ATF6: variants seen among roughly 807,000 people sequenced by gnomAD.
ATF6 encodes the protein cyclic AMP-dependent transcription factor ATF-6 alpha.
In ATF6, 53 loss-of-function variants were observed where a neutral mutation model predicts 83.6. The ratio of observed to expected loss-of-function variants is 0.63; its 90% CI spans 0.51 to 0.80. ATF6 has a LOEUF of 0.80. ATF6 is among the 30% of genes least tolerant of loss of function. The pLI is 0.00. For synonymous variants in ATF6, 288 were observed against 285.8 expected, an observed-to-expected ratio of 1.01 and a Z score of -0.08; for missense variants, 744 against 797.9, an observed-to-expected ratio of 0.93 and a Z score of 0.81.
At chr1:161,905,545 G>A (rs1687863148) in intron 14 of ATF6, among the ~76,000 whole-genome samples, 1 of 152,138 alleles carries the variant, frequency 6.6e-6, no homozygotes, top group Non-Finnish European at 1.5e-5. Context: ...CCTGAGTAAA[G>A]TGAATTTTCT....
chr1:161,912,307 G>A lies in ATF6; in HGVS notation c.1731G>A (p.Leu577=). Reference sequence around the variant, plus strand: ...TTTGTTAATTTTAGGATCACCTGCTGTTACCAGCTACCACCCATAACAAGA... The same window carrying A: ...TTTGTTAATTTTAGGATCACCTGCTATTACCAGCTACCACCCATAACAAGA... The part of the protein sequence containing the change: ...YVVSFRRDHL[L]LPATTHNKTT... Residue 577 remains leucine (L), a synonymous_variant, in exon 15 of 16, where the codon CTG becomes CTA. Coordinates refer to ENST00000367942, the MANE Select transcript of ATF6 (RefSeq NM_007348.4). The A allele has an allele frequency of 1.2e-6, 2 of 1,605,112 alleles. No individual in the cohort carries two copies. Among genetic ancestry groups the A allele is most frequent in the Non-Finnish European group, 8.5e-7 (1 of 1,176,112 alleles).
At chr1:161,769,932 C>T (rs1046539738) in intron 1 of ATF6, among the ~76,000 whole-genome samples, 1 of 152,144 alleles carries the variant, frequency 6.6e-6, no homozygotes, top group Non-Finnish European at 1.5e-5. Context: ...TCACCTCCTG[C>T]TGTGTGGCCT....
chr1:161,768,361 A>G (rs1056712670), intron 1 of ATF6, among the ~76,000 whole-genome samples: 21 of 152,080 alleles, frequency 1.4e-4, no homozygotes, highest in Admixed American at 5.9e-4. Context: ...GCCCATTTCC[A>G]TTGTTTTCCA....
At chr1:161,831,491 C>T (rs1686058399) in intron 9 of ATF6, among the ~76,000 whole-genome samples, 2 of 152,250 alleles carry the variant, frequency 1.3e-5, no homozygotes, top group Admixed American at 1.3e-4. Context: ...AAGACACATG[C>T]ACACATATGT....
chr1:161,909,717 G>A (rs1309051967), intron 14 of ATF6, among the ~76,000 whole-genome samples: 1 of 152,144 alleles, frequency 6.6e-6, no homozygotes, highest in Non-Finnish European at 1.5e-5. Flanking sequence ...AGCACTTTGG[G>A]AGGCCGAGGC....
intron 7 of ATF6, among the ~76,000 whole-genome samples, 179 bp downstream of exon 7, chr1:161,802,451 C>T (rs1391732298): frequency 2.6e-5 from 4 of 152,048 alleles, no homozygotes; most frequent in African/African-American, 7.2e-5. Flanking sequence ...AGGCTTACTA[C>T]GTTAGAATCT....
intron 15 of ATF6, among the ~76,000 whole-genome samples, chr1:161,954,863 G>A (rs1209442657): frequency 6.6e-6 from 1 of 152,052 alleles, no homozygotes; most frequent in Non-Finnish European, 1.5e-5. Flanking sequence ...ATCTCATTCT[G>A]TTTACTCAGA....
At chr1:161,901,828 A>T (rs1313215711) in intron 14 of ATF6, among the ~76,000 whole-genome samples, 4 of 152,198 alleles carry the variant, frequency 2.6e-5, no homozygotes, top group African/African-American at 4.8e-5. Context: ...GTAACATTAA[A>T]AATCCATTGA....
rs189323476 is a variant in ATF6 at position 161,865,464 on chromosome 1, A to G, written c.1719+2152A>G. 1.1e-3 allele frequency among the ~76,000 whole-genome samples: 170 copies of G among 152,266 alleles called. 1 individual carries two copies. The highest frequency in any genetic ancestry group is 1.4e-3 in the South Asian group (7 of 4,828). On this transcript the variant is annotated intron_variant, in intron 14 of 15. Coordinates refer to ENST00000367942, the MANE Select transcript of ATF6 (RefSeq NM_007348.4). ...TGAGCCACCGCGCCCAACCAATCCT[A>G]GCTTTAAACAGACTGTATTTTTATA...
intron 14 of ATF6, among the ~76,000 whole-genome samples, chr1:161,898,565 TGA>T (rs1687721803): frequency 6.6e-6 from 1 of 151,976 alleles, no homozygotes; most frequent in African/African-American, 2.4e-5. Flanking sequence ...GTTTTTTTTT[TGA>T]GACAGAGTCT....
At chr1:161,885,452 A>G (rs772855803) in intron 14 of ATF6, among the ~76,000 whole-genome samples, 15 of 152,132 alleles carry the variant, frequency 9.9e-5, no homozygotes, top group Non-Finnish European at 1.8e-4. Context: ...GAATTCTGGC[A>G]TGTTACCACA....
intron 15 of ATF6, among the ~76,000 whole-genome samples, chr1:161,916,573 TTCAA>T (rs1688106002): frequency 1.3e-5 from 2 of 152,164 alleles, no homozygotes; most frequent in Non-Finnish European, 2.9e-5. Context: ...ATAGCATATA[TTCAA>T]ATCTCTCCAT....
intron 12 of ATF6, among the ~76,000 whole-genome samples, chr1:161,858,344 A>T (rs1285647684): frequency 6.6e-6 from 1 of 152,140 alleles, no homozygotes; most frequent in East Asian, 1.9e-4. Context: ...AGATTTTTTT[A>T]AAAAGGAAAG....
At chr1:161,783,756 A>G (rs1295394979) in intron 3 of ATF6, among the ~76,000 whole-genome samples, 1 of 151,918 alleles carries the variant, frequency 6.6e-6, no homozygotes, top group East Asian at 1.9e-4. Context: ...ATATACACAC[A>G]CACACAGACA....
intron 14 of ATF6, among the ~76,000 whole-genome samples, chr1:161,874,648 C>CAT (rs1687173713): frequency 6.6e-6 from 1 of 151,518 alleles, no homozygotes; most frequent in Admixed American, 6.6e-5. Flanking sequence ...GTCAGTGTCA[C>CAT]ATATTTACTT....
intron 8 of ATF6, among the ~76,000 whole-genome samples, chr1:161,820,811 G>A (rs189017804): frequency 2.4e-4 from 36 of 152,094 alleles, no homozygotes; most frequent in African/African-American, 8.7e-4. Context: ...AACTGCAATG[G>A]AGTGGCTGCT....
intron 15 of ATF6, among the ~76,000 whole-genome samples, chr1:161,939,210 T>G (rs1396831947): frequency 6.6e-6 from 1 of 152,230 alleles, no homozygotes; most frequent in Non-Finnish European, 1.5e-5. Context: ...TTTCATCTTA[T>G]TTCATTAGAT....
chr1:161,821,214 A>C, intron 9 of ATF6, 53 bp downstream of exon 9: 221 of 1,240,348 alleles, frequency 1.8e-4, no homozygotes, highest in Non-Finnish European at 2.3e-4. Context: ...TTAAATTCTC[A>C]TTATTCTTTA....
intron 7 of ATF6, among the ~76,000 whole-genome samples, chr1:161,808,540 A>C (rs1685360827): frequency 6.6e-6 from 1 of 152,124 alleles, no homozygotes; most frequent in South Asian, 2.1e-4. Context: ...TCAGTACTAA[A>C]AACTTTTCTC....
Sources: gnomAD v4.1 joint callset for allele counts (sites outside exome capture counted in the v4.1 genomes callset) on GRCh38, gnomAD v4.1.1 for gene constraint, MANE v1.5 for transcripts, NCBI Gene and HGNC (gene_info 2026-07-23, HGNC 2026-07-21) for gene names.